The following PCDH15 variants were observed in gnomAD, a reference collection of about 807,000 sequenced individuals.
PCDH15 encodes the protein protocadherin-15.
PCDH15 carries 129 observed loss-of-function variants against 178.5 expected under a neutral mutation model. That is an observed-to-expected ratio of 0.72 (90% CI 0.63 to 0.84). The LOEUF is 0.84. PCDH15 is among the 40% of genes least tolerant of loss of function. The probability of loss-of-function intolerance (pLI) is 0.00; values close to 1 mark genes in which losing one functional copy is unlikely to be tolerated. For synonymous variants in PCDH15, 800 were observed against 732.0 expected (o/e 1.09, Z -1.50); for missense variants, 2,230 against 2,099.9 (o/e 1.06, Z -1.21).
intron 10 of PCDH15, among the ~76,000 whole-genome samples, chr10:54,198,660 C>A (rs573336320): frequency 8.1e-6 from 1 of 123,038 alleles, no homozygotes; most frequent in Non-Finnish European, 1.6e-5. Flanking sequence ...CGCCACTACG[C>A]CCGGCTAATT....
chr10:54,167,522 T>A (rs1333626856), intron 13 of PCDH15, among the ~76,000 whole-genome samples: 1 of 152,028 alleles, frequency 6.6e-6, no homozygotes, highest in Non-Finnish European at 1.5e-5. Flanking sequence ...TTCAAGGGTG[T>A]CAGACCACAC....
At chr10:54,746,193 G>C (rs950162164) in intron 1 of PCDH15, among the ~76,000 whole-genome samples, 1 of 152,044 alleles carries the variant, frequency 6.6e-6, no homozygotes, top group Non-Finnish European at 1.5e-5. Flanking sequence ...ACAGCATCCT[G>C]GCCTTTCTCC....
chr10:54,598,097 C>A (rs116345664), intron 2 of PCDH15, among the ~76,000 whole-genome samples: 1,878 of 152,014 alleles, frequency 0.012, 43 homozygotes, highest in African/African-American at 0.043. Flanking sequence ...GGTTCCCCCA[C>A]AATTGAGAAG....
chr10:55,000,890 A>T (rs1332481032), intron 2 of PCDH15, among the ~76,000 whole-genome samples: 1 of 151,974 alleles, frequency 6.6e-6, no homozygotes, highest in Non-Finnish European at 1.5e-5. Flanking sequence ...AACTTCATTG[A>T]TGACTGCTTG....
At chr10:55,151,218 G>A (rs540293851) in intron 2 of PCDH15, among the ~76,000 whole-genome samples, 1 of 152,176 alleles carries the variant, frequency 6.6e-6, no homozygotes, top group East Asian at 1.9e-4. Context: ...ATCCAGAAAA[G>A]ATGTATTTTG....
chr10:54,801,694 AAAAACAAAAC>A (rs16914937), upstream of PCDH15, among the ~76,000 whole-genome samples: 3 of 152,130 alleles, frequency 2.0e-5, no homozygotes, highest in African/African-American at 4.8e-5. Context: ...TTTGGGGCAT[AAAAACAAAAC>A]AAAACAAAAC....
At chr10:55,427,898 A>G (rs1319162356) in intron 2 of PCDH15, among the ~76,000 whole-genome samples, 1 of 152,136 alleles carries the variant, frequency 6.6e-6, no homozygotes, top group Admixed American at 6.5e-5. Context: ...AAAGAATACA[A>G]TTTTGGGGAA....
chr10:54,734,289 C>T (rs1489981114), intron 1 of PCDH15, among the ~76,000 whole-genome samples: 1 of 151,764 alleles, frequency 6.6e-6, no homozygotes, highest in East Asian at 1.9e-4. Flanking sequence ...ATATGGACTG[C>T]AACTAAGCAA....
At chr10:55,053,015 T>C (rs933005515) in intron 2 of PCDH15, among the ~76,000 whole-genome samples, 1 of 152,236 alleles carries the variant, frequency 6.6e-6, no homozygotes, top group East Asian at 1.9e-4. Context: ...AGCAACCACG[T>C]TGGTGAGAGA....
At chr10:54,990,615 G>T (rs1839476568) in intron 2 of PCDH15, among the ~76,000 whole-genome samples, 1 of 151,978 alleles carries the variant, frequency 6.6e-6, no homozygotes, top group Admixed American at 6.6e-5. Context: ...TTTAAAATTA[G>T]GTAATACATA....
At chr10:54,524,630 GT>G (rs1182688631) in intron 3 of PCDH15, among the ~76,000 whole-genome samples, 1 of 152,156 alleles carries the variant, frequency 6.6e-6, no homozygotes, top group Non-Finnish European at 1.5e-5. Flanking sequence ...GAAAATATCT[GT>G]TCAGAAAGGT....
rs140273411 is a variant in PCDH15, at chr10:53,878,215, A to AATATATATATAT, written c.3502-11370_3502-11359dup. 1.9e-4 allele frequency among the ~76,000 whole-genome samples: 24 copies of AATATATATATAT among 127,448 alleles called. No individual in the cohort carries two copies. The East Asian group carries it at 2.7e-3, about 14-fold the overall frequency. 83.6% of individuals were successfully genotyped at this position (127,448 alleles called of 152,430 possible). ...CACACACACACACACACACACTTTG[A>AATATATATATAT]ATATATATATATATATATATATATA... On this transcript the variant is annotated intron_variant, in intron 26 of 37. Coordinates refer to ENST00000644397, the MANE Select transcript of PCDH15 (RefSeq NM_001384140.1).
At chr10:54,756,340 T>C (rs925525179) in intron 1 of PCDH15, among the ~76,000 whole-genome samples, 4 of 152,116 alleles carry the variant, frequency 2.6e-5, no homozygotes, top group Non-Finnish European at 4.4e-5. Flanking sequence ...CGTGTCCCTA[T>C]CCTTTATATA....
At chr10:54,313,547 GA>G (rs2061038484) in intron 8 of PCDH15, among the ~76,000 whole-genome samples, 1 of 152,038 alleles carries the variant, frequency 6.6e-6, no homozygotes, top group Admixed American at 6.6e-5. Flanking sequence ...GCCAGAGCCA[GA>G]AAAAACCTGC....
intron 17 of PCDH15, among the ~76,000 whole-genome samples, chr10:54,068,910 T>C (rs1390921474): frequency 6.6e-6 from 1 of 152,204 alleles, no homozygotes; most frequent in African/African-American, 2.4e-5. Flanking sequence ...CACATGTGTG[T>C]CGATATATGT....
At chr10:54,685,059 G>A (rs1168771826) in intron 1 of PCDH15, among the ~76,000 whole-genome samples, 1 of 151,072 alleles carries the variant, frequency 6.6e-6, no homozygotes. Context: ...TACTTTTAAA[G>A]CATTTTTTAA....
chr10:55,274,647 C>G lies in PCDH15; in HGVS notation c.-156+44952G>C, dbSNP rs34880151. Among the ~76,000 whole-genome samples, 1,437 of 152,102 alleles carry G rather than the reference C, an allele frequency of 9.4e-3. 14 individuals are homozygous for G. The highest frequency in any genetic ancestry group is 0.01 in the Non-Finnish European group (713 of 68,018). ...TTTTCCAAACCTGCTTTTCTTATAC[C>G]GTGTATTAAAAGCAGTGGTCCCCAA... On this transcript the variant is annotated intron_variant, in intron 1 of 5. Coordinates refer to the PCDH15 transcript ENST00000458638.
intron 17 of PCDH15, among the ~76,000 whole-genome samples, chr10:54,077,690 A>T (rs1039166420): frequency 6.6e-6 from 1 of 152,166 alleles, no homozygotes; most frequent in African/African-American, 2.4e-5. Context: ...AACTTTCATC[A>T]TAAGTCAAGT....
At chr10:55,519,179 T>G (rs942898615) in intron 2 of PCDH15, among the ~76,000 whole-genome samples, 19 of 150,682 alleles carry the variant, frequency 1.3e-4, no homozygotes, top group Middle Eastern at 3.2e-3. Flanking sequence ...CCCCCTCAGG[T>G]TTATTTAAAA....
Sources: allele counts gnomAD v4.1 joint callset (sites outside exome capture counted in the v4.1 genomes callset), GRCh38; gene constraint gnomAD v4.1.1; transcripts MANE v1.5; gene names NCBI Gene and HGNC (gene_info 2026-07-23, HGNC 2026-07-21).